The following F13A1 variants were observed in gnomAD, a reference collection of about 807,000 sequenced individuals.
F13A1 encodes coagulation factor XIII A chain, also known as FSF, A subunit.
F13A1 carries 47 observed loss-of-function variants against 80.1 expected under a neutral mutation model. That is an observed-to-expected ratio of 0.59 (90% confidence interval 0.46 to 0.75). The LOEUF (loss-of-function observed/expected upper bound fraction) is 0.75, where lower values mean the gene tolerates loss of function less well. F13A1 is among the 30% of genes least tolerant of loss of function. The pLI, the probability that F13A1 is intolerant of heterozygous loss-of-function variation, is 0.00. For missense variants in F13A1, 817 were observed against 930.4 expected (o/e 0.88, Z 1.59); for synonymous variants, 349 against 344.9 (o/e 1.01, Z -0.13).
intron 3 of F13A1, among the ~76,000 whole-genome samples, chr6:6,277,978 C>T (rs192329597): frequency 5.9e-5 from 9 of 152,364 alleles, no homozygotes; most frequent in African/African-American, 2.2e-4. Context: ...CTGCCAGAGG[C>T]TGTGCTTCTC....
At chr6:6,182,300 A>G (rs1761002705) in intron 10 of F13A1, among the ~76,000 whole-genome samples, 159 bp from the exon 11 acceptor site, 1 of 152,222 alleles carries the variant, frequency 6.6e-6, no homozygotes, top group South Asian at 2.1e-4. Context: ...AGGTTTTGAA[A>G]ATATTCTAAA....
At chr6:6,188,076 TTA>T (rs1169691446) in intron 10 of F13A1, among the ~76,000 whole-genome samples, 1 of 152,116 alleles carries the variant, frequency 6.6e-6, no homozygotes, top group Non-Finnish European at 1.5e-5. Flanking sequence ...GATATCCCCT[TTA>T]TCATTTTTTA....
chr6:6,154,973 T>A (rs963844435), intron 13 of F13A1, among the ~76,000 whole-genome samples: 1 of 152,244 alleles, frequency 6.6e-6, no homozygotes, highest in Admixed American at 6.5e-5. Flanking sequence ...AGGATGGGCA[T>A]AAGCCCCTTC....
intron 8 of F13A1, among the ~76,000 whole-genome samples, chr6:6,204,802 T>C (rs774306900): frequency 9.9e-5 from 15 of 152,246 alleles, no homozygotes; most frequent in Non-Finnish European, 2.9e-5. Flanking sequence ...GCTGCGAGCA[T>C]GACACTATTT....
intron 3 of F13A1, among the ~76,000 whole-genome samples, chr6:6,276,007 C>G (rs746851447): frequency 2.6e-5 from 4 of 152,218 alleles, no homozygotes; most frequent in Non-Finnish European, 4.4e-5. Context: ...GTTGCCCATT[C>G]AATTCCGAAG....
intron 4 of F13A1, among the ~76,000 whole-genome samples, chr6:6,255,135 G>A (rs1757685846): frequency 6.6e-6 from 1 of 151,998 alleles, no homozygotes; most frequent in Non-Finnish European, 1.5e-5. Flanking sequence ...ATGGAGGCGG[G>A]GGTAACATTT....
intron 3 of F13A1, among the ~76,000 whole-genome samples, chr6:6,278,352 A>C (rs1758016216): frequency 6.6e-6 from 1 of 152,206 alleles, no homozygotes; most frequent in South Asian, 2.1e-4. Context: ...TTTTAGAGAC[A>C]GTGGCCAGAG....
At chr6:6,200,559 A>G (rs1364033298) in intron 8 of F13A1, among the ~76,000 whole-genome samples, 1 of 151,980 alleles carries the variant, frequency 6.6e-6, no homozygotes, top group African/African-American at 2.4e-5. Flanking sequence ...TAAAAAAAAA[A>G]AAAAAAAAGT....
At chr6:6,230,092 C>T (rs925903479) in intron 6 of F13A1, among the ~76,000 whole-genome samples, 1 of 152,196 alleles carries the variant, frequency 6.6e-6, no homozygotes, top group Non-Finnish European at 1.5e-5. Flanking sequence ...GAGAAGCCTC[C>T]TGGCCAAAAC....
At chr6:6,248,475 T>G in intron 5 of F13A1, 56 bp from the exon 6 acceptor site, 1 of 1,373,108 alleles carries the variant, frequency 7.3e-7, no homozygotes, top group Non-Finnish European at 1.0e-6. Flanking sequence ...AAGCAAAATA[T>G]TCTCTGATGA....
intron 12 of F13A1, among the ~76,000 whole-genome samples, chr6:6,168,459 T>C (rs938108871): frequency 1.3e-4 from 20 of 152,190 alleles, no homozygotes; most frequent in African/African-American, 4.8e-4. Flanking sequence ...ATGGGCAGTT[T>C]TTCTGTAGGC....
At chr6:6,295,456 A>G (rs1393889668) in intron 3 of F13A1, among the ~76,000 whole-genome samples, 1 of 148,138 alleles carries the variant, frequency 6.8e-6, no homozygotes, top group Non-Finnish European at 1.5e-5. Flanking sequence ...GTGAGATGGC[A>G]TCTCATTGTG....
chr6:6,236,639 A>G (rs1757417720), intron 6 of F13A1, among the ~76,000 whole-genome samples: 1 of 152,164 alleles, frequency 6.6e-6, no homozygotes, highest in Non-Finnish European at 1.5e-5. Flanking sequence ...TTATATGGCT[A>G]TGATGAAATG....
chr6:6,316,097 A>G (rs1367854177), intron 2 of F13A1, among the ~76,000 whole-genome samples: 16 of 24,188 alleles, frequency 6.6e-4, no homozygotes, highest in Admixed American at 4.1e-4. Flanking sequence ...ATATATATAT[A>G]TATATATATA....
At chr6:6,307,550 AG>A (rs1440668582) in intron 2 of F13A1, among the ~76,000 whole-genome samples, 7 of 152,032 alleles carry the variant, frequency 4.6e-5, no homozygotes, top group East Asian at 3.9e-4. Context: ...GGGGCTTTAA[AG>A]TTTTTTTTTT....
At chr6:6,150,450 G>A (rs370320062) in intron 14 of F13A1, among the ~76,000 whole-genome samples, 5 of 152,116 alleles carry the variant, frequency 3.3e-5, no homozygotes, top group African/African-American at 1.2e-4. Flanking sequence ...TATTTTCTCT[G>A]TTGTTTATTG....
intron 8 of F13A1, among the ~76,000 whole-genome samples, chr6:6,219,123 C>T (rs777758809): frequency 9.9e-5 from 15 of 152,172 alleles, no homozygotes; most frequent in Middle Eastern, 3.4e-3. Context: ...CAACCAGGAG[C>T]GGGGAAGACA....
At chr6:6,255,167 C>T (rs1757686397) in intron 4 of F13A1, among the ~76,000 whole-genome samples, 1 of 151,976 alleles carries the variant, frequency 6.6e-6, no homozygotes, top group Non-Finnish European at 1.5e-5. Flanking sequence ...TGGACATTGC[C>T]GTTTAATGAT....
chr6:6,153,634 T>C (rs901439270), intron 13 of F13A1, among the ~76,000 whole-genome samples: 2 of 152,154 alleles, frequency 1.3e-5, no homozygotes, highest in African/African-American at 4.8e-5. Context: ...ATGGTCATGG[T>C]AGCAACAACA....
Sources: gnomAD v4.1 joint callset for allele counts (sites outside exome capture counted in the v4.1 genomes callset) on GRCh38, gnomAD v4.1.1 for gene constraint, MANE v1.5 for transcripts, NCBI Gene and HGNC (gene_info 2026-07-23, HGNC 2026-07-21) for gene names.